Variants in NKAIN2 observed in about 807,000 individuals in gnomAD.
The protein encoded by NKAIN2 is sodium/potassium-transporting ATPase subunit beta-1-interacting protein 2.
In NKAIN2, 14 loss-of-function variants were observed where a neutral mutation model predicts 32.6. That is an observed-to-expected ratio of 0.43 (90% confidence interval 0.28 to 0.67). The LOEUF (loss-of-function observed/expected upper bound fraction) is 0.67, where lower values mean the gene tolerates loss of function less well. NKAIN2 is among the 30% of genes least tolerant of loss of function. The pLI, the probability that NKAIN2 is intolerant of heterozygous loss-of-function variation, is 0.17. For synonymous variants in NKAIN2, 80 were observed against 87.2 expected (o/e 0.92, Z 0.46); for missense variants, 198 against 258.3 (o/e 0.77, Z 1.60).
intron 3 of NKAIN2, among the ~76,000 whole-genome samples, chr6:124,461,408 C>T (rs1347897683): frequency 6.6e-6 from 1 of 151,802 alleles, no homozygotes; most frequent in African/African-American, 2.4e-5. Context: ...TTCTCCTATA[C>T]ACGTTTTACT....
chr6:124,591,445 G>A lies in NKAIN2; in HGVS notation c.274-66741G>A, dbSNP rs117147458. 2.7e-4 allele frequency among the ~76,000 whole-genome samples: 41 copies of A among 152,196 alleles called. No homozygotes were observed. The East Asian group carries it at 8.0e-3, about 30-fold the overall frequency. On this transcript the variant is annotated intron_variant, in intron 3 of 6. Transcript: ENST00000368417. ...CTGTGAGAGCCAAGCCTTCAAACCA[G>A]TATGTTCTTTTGGGGATATTTCAAA...
intron 1 of NKAIN2, among the ~76,000 whole-genome samples, chr6:123,951,064 A>T (rs1366418149): frequency 6.6e-6 from 1 of 151,998 alleles, no homozygotes; most frequent in Non-Finnish European, 1.5e-5. Context: ...ATCTATTTAT[A>T]CAATTTCCAA....
chr6:123,965,481 T>C (rs1267992), intron 1 of NKAIN2, among the ~76,000 whole-genome samples: 46,759 of 151,990 alleles, frequency 0.31, 7,214 homozygotes, highest in South Asian at 0.4. Flanking sequence ...CCTCCCATTG[T>C]TGTCAACATT....
chr6:124,009,642 G>A (rs985349668), intron 1 of NKAIN2, among the ~76,000 whole-genome samples: 1 of 152,130 alleles, frequency 6.6e-6, no homozygotes, highest in Non-Finnish European at 1.5e-5. Flanking sequence ...TCTGAAAACA[G>A]AAATCAGTTT....
chr6:124,061,284 A>T (rs2114856290), intron 1 of NKAIN2, among the ~76,000 whole-genome samples: 1 of 152,256 alleles, frequency 6.6e-6, no homozygotes, highest in Admixed American at 6.5e-5. Flanking sequence ...ACATTCTCAA[A>T]GGTGTTTTTA....
At chr6:123,842,697 G>A (rs567648246) in intron 1 of NKAIN2, among the ~76,000 whole-genome samples, 65 of 150,800 alleles carry the variant, frequency 4.3e-4, no homozygotes, top group African/African-American at 1.5e-3. Flanking sequence ...CTAATTTAAC[G>A]TCCACTTAGA....
chr6:124,584,489 T>C (rs1037821069), intron 3 of NKAIN2, among the ~76,000 whole-genome samples: 2 of 151,850 alleles, frequency 1.3e-5, no homozygotes, highest in Non-Finnish European at 2.9e-5. Context: ...CCATCTCTAC[T>C]GAAAATACAA....
chr6:124,342,809 G>C (rs1171363269), intron 2 of NKAIN2, among the ~76,000 whole-genome samples: 1 of 111,266 alleles, frequency 9.0e-6, no homozygotes, highest in African/African-American at 4.0e-5. Context: ...CTGCCCAGAA[G>C]ATGTTTTATT....
intron 4 of NKAIN2, among the ~76,000 whole-genome samples, chr6:124,763,699 A>G (rs1778376446): frequency 6.6e-6 from 1 of 152,228 alleles, no homozygotes; most frequent in Non-Finnish European, 1.5e-5. Context: ...TGTTCTCGAC[A>G]TGAAAAATAA....
At chr6:124,592,842 C>A (rs112406985) in intron 3 of NKAIN2, among the ~76,000 whole-genome samples, 2,291 of 152,222 alleles carry the variant, frequency 0.015, 60 homozygotes, top group African/African-American at 0.052. Context: ...AGTCCTTGCA[C>A]AAGTGCTGGG....
intron 1 of NKAIN2, among the ~76,000 whole-genome samples, chr6:123,918,143 G>A (rs1224455035): frequency 6.6e-6 from 1 of 152,090 alleles, no homozygotes; most frequent in Non-Finnish European, 1.5e-5. Flanking sequence ...CTCCACTCCA[G>A]AGACATATTG....
intron 3 of NKAIN2, among the ~76,000 whole-genome samples, chr6:124,370,849 A>AC (rs1030281242): frequency 7.3e-5 from 11 of 151,690 alleles, no homozygotes; most frequent in South Asian, 2.1e-4. Flanking sequence ...AAAGGCTGTG[A>AC]CCCCCCCGGA....
intron 4 of NKAIN2, among the ~76,000 whole-genome samples, chr6:124,734,351 C>T (rs559727653): frequency 7.2e-5 from 11 of 151,898 alleles, no homozygotes; most frequent in African/African-American, 2.7e-4. Flanking sequence ...TGGGATCTTG[C>T]CTTCAGCCTT....
intron 1 of NKAIN2, among the ~76,000 whole-genome samples, chr6:123,915,939 A>G (rs1220533129): frequency 1.3e-5 from 2 of 152,172 alleles, no homozygotes; most frequent in African/African-American, 2.4e-5. Flanking sequence ...TATTTTCTGC[A>G]TAGGTGTTTT....
At chr6:124,707,859 G>A (rs1366601601) in intron 4 of NKAIN2, among the ~76,000 whole-genome samples, 1 of 152,220 alleles carries the variant, frequency 6.6e-6, no homozygotes, top group Non-Finnish European at 1.5e-5. Context: ...GATCCCATCT[G>A]TGAATTTTGT....
intron 1 of NKAIN2, among the ~76,000 whole-genome samples, chr6:124,066,678 CAT>C (rs1474112141): frequency 6.6e-6 from 1 of 152,096 alleles, no homozygotes; most frequent in African/African-American, 2.4e-5. Flanking sequence ...AAAATTATAA[CAT>C]ATGATTCAGC....
intron 1 of NKAIN2, among the ~76,000 whole-genome samples, chr6:123,861,238 T>G (rs778259233): frequency 2.6e-5 from 4 of 152,204 alleles, no homozygotes; most frequent in Non-Finnish European, 5.9e-5. Flanking sequence ...GCTAAGTAAA[T>G]GTAAATTGAA....
intron 4 of NKAIN2, among the ~76,000 whole-genome samples, chr6:124,750,196 A>G (rs1777642005): frequency 6.6e-6 from 1 of 151,908 alleles, no homozygotes; most frequent in South Asian, 2.1e-4. Context: ...CTGTCATATG[A>G]TGGACATTTA....
intron 3 of NKAIN2, among the ~76,000 whole-genome samples, chr6:124,612,554 G>T (rs1200746088): frequency 1.3e-5 from 2 of 152,106 alleles, no homozygotes; most frequent in Non-Finnish European, 2.9e-5. Flanking sequence ...CAGAAAATAG[G>T]GGAGGCTGAA....
Sources: gnomAD v4.1 joint callset for allele counts (sites outside exome capture counted in the v4.1 genomes callset) on GRCh38, gnomAD v4.1.1 for gene constraint, MANE v1.5 for transcripts, NCBI Gene and HGNC (gene_info 2026-07-23, HGNC 2026-07-21) for gene names.